CDKAL1: variants seen among roughly 807,000 people sequenced by gnomAD.
CDKAL1 encodes the protein CDKAL1 threonylcarbamoyladenosine tRNA methylthiotransferase.
Under a neutral mutation model 68.2 loss-of-function variants are expected in CDKAL1, and 32 were observed. The ratio of observed to expected loss-of-function variants is 0.47; its 90% CI spans 0.35 to 0.63. CDKAL1 has a LOEUF of 0.63. CDKAL1 is among the 30% of genes least tolerant of loss of function. The pLI, the probability that CDKAL1 is intolerant of heterozygous loss-of-function variation, is 0.00. For synonymous variants in CDKAL1, 234 were observed against 244.3 expected (o/e 0.96, Z 0.39); for missense variants, 606 against 696.7 (o/e 0.87, Z 1.47).
intron 9 of CDKAL1, among the ~76,000 whole-genome samples, chr6:20,924,145 A>T (rs1261849144): frequency 6.6e-6 from 1 of 151,494 alleles, no homozygotes; most frequent in Non-Finnish European, 1.5e-5. Context: ...TACTCCAGTG[A>T]ACACACAAAT....
intron 9 of CDKAL1, among the ~76,000 whole-genome samples, chr6:20,893,742 C>A (rs1174678497): frequency 3.3e-5 from 5 of 152,070 alleles, no homozygotes; most frequent in Non-Finnish European, 7.4e-5. Context: ...AGGATAATAA[C>A]AGAACTAACT....
chr6:21,035,950 A>T (rs989582875), intron 11 of CDKAL1, among the ~76,000 whole-genome samples: 1 of 152,148 alleles, frequency 6.6e-6, no homozygotes, highest in Non-Finnish European at 1.5e-5. Context: ...TGACGGTTAG[A>T]TGGAAGCGCC....
At chr6:21,129,754 A>G (rs919953258) in intron 13 of CDKAL1, among the ~76,000 whole-genome samples, 6 of 151,994 alleles carry the variant, frequency 3.9e-5, no homozygotes, top group Admixed American at 6.6e-5. Context: ...ACAAAATAAA[A>G]ATACCTAGAG....
intron 4 of CDKAL1, among the ~76,000 whole-genome samples, chr6:20,648,097 T>C (rs1019798389): frequency 2.6e-4 from 40 of 151,216 alleles, no homozygotes; most frequent in African/African-American, 9.7e-4. Flanking sequence ...AATATTTTTT[T>C]TTGCCATGTT....
intron 5 of CDKAL1, among the ~76,000 whole-genome samples, chr6:20,652,171 T>C (rs1768801032): frequency 6.6e-6 from 1 of 152,172 alleles, no homozygotes; most frequent in Non-Finnish European, 1.5e-5. Flanking sequence ...AGAGTAATAC[T>C]TTAATGGGAA....
chr6:20,717,174 A>G (rs1478642644), intron 5 of CDKAL1, among the ~76,000 whole-genome samples: 1 of 152,046 alleles, frequency 6.6e-6, no homozygotes, highest in Non-Finnish European at 1.5e-5. Context: ...AGTGAGATAA[A>G]GTACTTATTG....
At chr6:20,916,552 T>C (rs1762732248) in intron 9 of CDKAL1, among the ~76,000 whole-genome samples, 2 of 152,114 alleles carry the variant, frequency 1.3e-5, no homozygotes, top group South Asian at 4.1e-4. Flanking sequence ...AAGGTCCATG[T>C]GTTGAGAAGC....
chr6:20,571,302 C>T (rs1764690781), intron 4 of CDKAL1, among the ~76,000 whole-genome samples: 1 of 152,080 alleles, frequency 6.6e-6, no homozygotes, highest in African/African-American at 2.4e-5. Context: ...TTCCCTGGTT[C>T]TTTGTAAATT....
At chr6:21,087,570 C>T (rs1385740008) in intron 12 of CDKAL1, among the ~76,000 whole-genome samples, 6 of 152,100 alleles carry the variant, frequency 3.9e-5, no homozygotes, top group Admixed American at 3.3e-4. Context: ...TCTTCTACTC[C>T]GTTCCTATAG....
intron 15 of CDKAL1, among the ~76,000 whole-genome samples, chr6:21,212,123 C>G (rs1562121097): frequency 6.6e-6 from 1 of 152,066 alleles, no homozygotes; most frequent in Non-Finnish European, 1.5e-5. Context: ...GAGGGAAAGC[C>G]CATGAAAGCA....
intron 8 of CDKAL1, among the ~76,000 whole-genome samples, chr6:20,805,605 C>CT (rs1310465610): frequency 3.9e-5 from 6 of 152,138 alleles, no homozygotes; most frequent in Non-Finnish European, 8.8e-5. Flanking sequence ...ATACAATATG[C>CT]TTTAACATTA....
At chr6:20,575,604 C>T (rs1305533314) in intron 4 of CDKAL1, among the ~76,000 whole-genome samples, 1 of 152,014 alleles carries the variant, frequency 6.6e-6, no homozygotes, top group African/African-American at 2.4e-5. Context: ...CAAGTTATTT[C>T]TATGGTTTAT....
chr6:20,735,697 A>G (rs1249420957), intron 5 of CDKAL1, among the ~76,000 whole-genome samples: 1 of 152,164 alleles, frequency 6.6e-6, no homozygotes, highest in African/African-American at 2.4e-5. Flanking sequence ...CGCCTATTTC[A>G]TGTCACGAGA....
chr6:21,053,930 C>T (rs936257144), intron 11 of CDKAL1, among the ~76,000 whole-genome samples: 16 of 151,996 alleles, frequency 1.1e-4, no homozygotes, highest in South Asian at 6.2e-4. Context: ...CATTTTTTAA[C>T]GGTATCTTTT....
chr6:20,989,419 TA>T (rs1389500464), intron 10 of CDKAL1, among the ~76,000 whole-genome samples: 1 of 152,224 alleles, frequency 6.6e-6, no homozygotes, highest in East Asian at 1.9e-4. Flanking sequence ...GTGTACTGCT[TA>T]AACCATGGAA....
chr6:20,734,327 A>G (rs1182196403), intron 5 of CDKAL1, among the ~76,000 whole-genome samples: 1 of 152,114 alleles, frequency 6.6e-6, no homozygotes, highest in Non-Finnish European at 1.5e-5. Flanking sequence ...ATGACCCATT[A>G]TATTAAATTT....
chr6:20,965,324 G>T (rs1031634311), intron 10 of CDKAL1, among the ~76,000 whole-genome samples: 1 of 147,766 alleles, frequency 6.8e-6, no homozygotes, highest in African/African-American at 2.5e-5. Flanking sequence ...GAGAAGAGGA[G>T]GGGAGGGGAG....
At chr6:21,185,112 G>A (rs1398433641) in intron 13 of CDKAL1, among the ~76,000 whole-genome samples, 1 of 151,920 alleles carries the variant, frequency 6.6e-6, no homozygotes, top group Non-Finnish European at 1.5e-5. Context: ...AACTGTTGCA[G>A]TGGTTCCTAT....
At chr6:21,062,782 C>A (rs1771212264) in intron 11 of CDKAL1, among the ~76,000 whole-genome samples, 1 of 152,204 alleles carries the variant, frequency 6.6e-6, no homozygotes, top group African/African-American at 2.4e-5. Flanking sequence ...TTTTATGAAA[C>A]TATATTAGGA....
Sources: gnomAD v4.1 joint callset for allele counts (sites outside exome capture counted in the v4.1 genomes callset) on GRCh38, gnomAD v4.1.1 for gene constraint, MANE v1.5 for transcripts, NCBI Gene and HGNC (gene_info 2026-07-23, HGNC 2026-07-21) for gene names.